Variants in CCDC171 observed in about 807,000 individuals in gnomAD.
CCDC171 encodes the protein coiled-coil domain containing 171.
In CCDC171, 177 loss-of-function variants were observed where a neutral mutation model predicts 168.2. The observed-to-expected ratio is 1.05, with a 90% CI of 0.93 to 1.19. The LOEUF is 1.19. Among genes scored for constraint, CCDC171 ranks in the 50% most tolerant of loss-of-function variants. The pLI is 0.00. For synonymous variants in CCDC171, 687 were observed against 540.8 expected (o/e 1.27, Z -3.75); for missense variants, 1,991 against 1,539.0 (o/e 1.29, Z -4.91).
chr9:15,839,233 T>C (rs2060573793), intron 21 of CCDC171, among the ~76,000 whole-genome samples: 1 of 152,214 alleles, frequency 6.6e-6, no homozygotes, highest in African/African-American at 2.4e-5. Context: ...CTGAAGCTCT[T>C]ATTGGACTTT....
At chr9:15,909,202 G>T (rs77672917) in intron 24 of CCDC171, among the ~76,000 whole-genome samples, 2,127 of 152,206 alleles carry the variant, frequency 0.014, 62 homozygotes, top group African/African-American at 0.047. Context: ...CTTCTACCCC[G>T]TCTCCTACCT....
upstream of CCDC171, among the ~76,000 whole-genome samples, chr9:16,040,564 C>T (rs560534036): frequency 2.6e-5 from 4 of 152,298 alleles, no homozygotes; most frequent in East Asian, 1.9e-4. Context: ...GCAGGTCACA[C>T]GCTGAGCTCC....
intron 3 of CCDC171, 84 bp from the exon 4 acceptor site, chr9:15,578,765 C>T (rs1009545154): frequency 1.8e-5 from 20 of 1,108,516 alleles, no homozygotes; most frequent in Non-Finnish European, 2.3e-5. Flanking sequence ...ATTATGGAAA[C>T]AAGTTTCTCT....
At chr9:15,585,522 G>A (rs1402201505) in intron 4 of CCDC171, among the ~76,000 whole-genome samples, 3 of 152,138 alleles carry the variant, frequency 2.0e-5, no homozygotes, top group Non-Finnish European at 4.4e-5. Context: ...AAAGTTCTAG[G>A]ATAGGAAAAG....
At chr9:15,575,454 G>T (rs1167371805) in intron 3 of CCDC171, among the ~76,000 whole-genome samples, 1 of 152,112 alleles carries the variant, frequency 6.6e-6, no homozygotes, top group Admixed American at 6.5e-5. Flanking sequence ...GACAACAGGT[G>T]TGAGCCACCG....
intron 6 of CCDC171, among the ~76,000 whole-genome samples, chr9:15,595,991 G>A (rs2131548859): frequency 6.6e-6 from 1 of 152,124 alleles, no homozygotes; most frequent in East Asian, 1.9e-4. Flanking sequence ...TTGTTGATGG[G>A]GTTGTTTTTT....
intron 3 of CCDC171, among the ~76,000 whole-genome samples, chr9:15,995,080 T>A (rs1294999695): frequency 6.6e-6 from 1 of 152,186 alleles, no homozygotes; most frequent in Admixed American, 6.6e-5. Context: ...CATGCTAAAC[T>A]CCTTTTGAAA....
intron 10 of CCDC171, among the ~76,000 whole-genome samples, chr9:15,682,438 GC>G (rs2050103898): frequency 6.6e-6 from 1 of 151,892 alleles, no homozygotes; most frequent in African/African-American, 2.4e-5. Context: ...ATATAAACCA[GC>G]TAAATTTAAT....
chr9:15,679,189 C>A (rs1414918467), intron 10 of CCDC171, among the ~76,000 whole-genome samples: 2 of 151,812 alleles, frequency 1.3e-5, no homozygotes, highest in South Asian at 4.1e-4. Context: ...AACAGTATTA[C>A]TTAGATTAAG....
chr9:15,914,400 G>T (rs994922414), intron 24 of CCDC171, among the ~76,000 whole-genome samples: 1 of 152,194 alleles, frequency 6.6e-6, no homozygotes, highest in African/African-American at 2.4e-5. Context: ...CTGAACTGCA[G>T]TGGGCTCTGT....
At chr9:16,006,473 C>T (rs1397124947) in intron 3 of CCDC171, among the ~76,000 whole-genome samples, 1 of 152,130 alleles carries the variant, frequency 6.6e-6, no homozygotes, top group Non-Finnish European at 1.5e-5. Flanking sequence ...GGTACATGTG[C>T]ACAACGTGCA....
intron 7 of CCDC171, among the ~76,000 whole-genome samples, chr9:15,646,064 C>T (rs997976624): frequency 3.9e-5 from 6 of 152,210 alleles, no homozygotes; most frequent in Non-Finnish European, 8.8e-5. Context: ...AGAAACTCTA[C>T]AAGCCAGAAG....
At chr9:15,602,362 A>T (rs2042917533) in intron 6 of CCDC171, among the ~76,000 whole-genome samples, 1 of 145,446 alleles carries the variant, frequency 6.9e-6, no homozygotes, top group South Asian at 2.2e-4. Context: ...GCTCTCTAAG[A>T]GAATTCAGTT....
intron 18 of CCDC171, among the ~76,000 whole-genome samples, chr9:15,750,203 A>G (rs2055625070): frequency 6.6e-6 from 1 of 152,206 alleles, no homozygotes; most frequent in Non-Finnish European, 1.5e-5. Flanking sequence ...CTACATAAAT[A>G]AACTAGAAAA....
At chr9:15,850,153 A>G (rs958506913) in intron 23 of CCDC171, 2 of 151,954 alleles carry the variant, frequency 1.3e-5, no homozygotes, top group African/African-American at 4.8e-5. Flanking sequence ...AGAAAAGTCA[A>G]TTACGTCATA....
chr9:15,993,780 G>A (rs1053859199), intron 3 of CCDC171, among the ~76,000 whole-genome samples: 3 of 152,134 alleles, frequency 2.0e-5, no homozygotes, highest in Admixed American at 6.5e-5. Flanking sequence ...AGTGGCAAAG[G>A]ATATGAACAG....
chr9:15,944,493 T>G (rs1043450370), intron 25 of CCDC171, among the ~76,000 whole-genome samples: 1 of 152,160 alleles, frequency 6.6e-6, no homozygotes, highest in East Asian at 1.9e-4. Flanking sequence ...GGGCCTTAAA[T>G]GTGTTAATGT....
intron 3 of CCDC171, among the ~76,000 whole-genome samples, chr9:15,997,865 C>G (rs1161003638): frequency 6.6e-6 from 1 of 152,132 alleles, no homozygotes; most frequent in Non-Finnish European, 1.5e-5. Flanking sequence ...CGTATCCTTC[C>G]CTTGCATATT....
At chr9:15,559,398 T>C (rs1187845998) in intron 1 of CCDC171, among the ~76,000 whole-genome samples, 1 of 152,184 alleles carries the variant, frequency 6.6e-6, no homozygotes, top group Non-Finnish European at 1.5e-5. Flanking sequence ...AAGACTTGCT[T>C]TATGAATCTG....
Sources: allele counts gnomAD v4.1 joint callset (sites outside exome capture counted in the v4.1 genomes callset), GRCh38; gene constraint gnomAD v4.1.1; transcripts MANE v1.5; gene names NCBI Gene and HGNC (gene_info 2026-07-23, HGNC 2026-07-21).